ITGB4: variants seen among roughly 807,000 people sequenced by gnomAD.
ITGB4 encodes the protein integrin subunit beta 4, also known as integrin beta-4.
Under a neutral mutation model 207.6 loss-of-function variants are expected in ITGB4, and 159 were observed. The ratio of observed to expected loss-of-function variants is 0.77; its 90% CI spans 0.67 to 0.87. The LOEUF is 0.87. Among genes scored for constraint, ITGB4 ranks in the 40% least tolerant of loss-of-function variants. ITGB4 has a pLI of 0.00. For missense variants in ITGB4, 2,278 were observed against 2,546.8 expected, an observed-to-expected ratio of 0.89 and a Z score of 2.27; for synonymous variants, 1,020 against 1,062.7, an observed-to-expected ratio of 0.96 and a Z score of 0.78.
chr17:75,748,783 C>T, intron 26 of ITGB4, 58 bp from the exon 27 acceptor site: 1 of 1,358,126 alleles, frequency 7.4e-7, no homozygotes, highest in South Asian at 1.2e-5. Context: ...AGCGTGTGGC[C>T]ATGACTCTTG....
intron 23 of ITGB4, 93 bp downstream of exon 23, chr17:75,741,098 A>C: frequency 1.1e-5 from 15 of 1,398,602 alleles, no homozygotes; most frequent in African/African-American, 1.4e-5. Context: ...CTCCATCTCC[A>C]TCCCATAGGA....
chr17:75,724,716 C>A lies in ITGB4; in HGVS notation c.13C>A (p.Arg5Ser), dbSNP rs141077392. 1 of 1,613,270 alleles carries A rather than the reference C, an allele frequency of 6.2e-7. No homozygotes were observed. Among genetic ancestry groups the A allele is most frequent in the Non-Finnish European group, 8.5e-7 (1 of 1,179,548 alleles). MAGP[R>S]PSPWARLLLA... ...CAGGAGGAAGAGGATGGCAGGGCCA[C>A]GCCCCAGCCCATGGGCCAGGCTGCT... Residue 5 changes from arginine (R) to serine (S), a missense_variant, in exon 2 of 40, where the codon CGC (arginine) becomes AGC (serine). Physicochemically the swap from Arg to Ser is moderately radical, Grantham distance 110. Transcript: ENST00000200181.
rs757186781 is a variant in ITGB4, at chr17:75,733,518, G to C, written c.1483G>C (p.Gly495Arg). ...TGGCCAGACCTGCAACTGCTCCACC[G>C]GCTCTCTGAGTGACATTCAGCCCTG... Reference protein sequence around the residue: ...WSGQTCNCSTGSLSDIQPCLR... With the variant: ...WSGQTCNCSTRSLSDIQPCLR... The change falls in exon 13 of 40, where the codon GGC (glycine) becomes CGC (arginine). Residue 495 changes from glycine to arginine, a missense_variant. Coordinates refer to ENST00000200181, the MANE Select transcript of ITGB4 (RefSeq NM_000213.5). The C allele has an allele frequency of 6.2e-7, 1 of 1,613,404 alleles. No individual in the cohort carries two copies. The highest frequency in any genetic ancestry group is 1.3e-5 in the African/African-American group (1 of 74,920).
Position 75,740,148 on chromosome 17 carries a change from G to A in ITGB4, c.2446+77G>A. 6.8e-7 allele frequency: 1 copy of A among 1,464,116 alleles called. No homozygotes were observed. Among genetic ancestry groups the A allele is most frequent in the Non-Finnish European group, 9.3e-7 (1 of 1,080,136 alleles). 90.7% of individuals were successfully genotyped at this position (1,464,116 alleles called of 1,614,324 possible). A position where few individuals can be genotyped will look rare whatever the true frequency, so the allele number is the denominator to read the frequency against. On this transcript the variant is annotated intron_variant, in intron 20 of 39. Coordinates refer to ENST00000200181, the MANE Select transcript of ITGB4 (RefSeq NM_000213.5). This position sits in a 1 kb window ranked among gnomAD's most constrained non-coding sequence, Gnocchi z 5.9. The stretch of plus-strand genomic sequence containing the variant: ...TGTTCCAGATCTGGGATCACAGCAT[G>A]CCTCTTCTCTGGGTGTGGGGTGCAG...
chr17:75,737,473 G>A lies in ITGB4; in HGVS notation c.2113+29G>A, dbSNP rs750407534. 5.8e-6 allele frequency: 9 copies of A among 1,553,122 alleles called. No individual in the cohort carries two copies. The Admixed American group carries it at 5.9e-5, about 10-fold the overall frequency. The stretch of plus-strand genomic sequence containing the variant: ...AGCTGGTGGGGCCGGGCGCAGGGAG[G>A]GGGCGTGTGGCCAGAGCTCGGTGGG... On this transcript the variant is annotated intron_variant, in intron 17 of 39. Transcript: ENST00000200181.
In ITGB4 at chr17:75,742,785, G is replaced by A; in HGVS notation, c.2962+24G>A. On this transcript the variant is annotated intron_variant, in intron 25 of 39. Coordinates refer to ENST00000200181, the MANE Select transcript of ITGB4 (RefSeq NM_000213.5). The surrounding 1 kb of genome is among the most constrained non-coding windows in gnomAD (Gnocchi z 5.9). ...AGGTGGGTCTGGGTGGGGAGAGTGGGGAAGGCAGACGGGGGCTCGGGGGCA... is the reference window on the plus strand; with the variant it reads ...AGGTGGGTCTGGGTGGGGAGAGTGGAGAAGGCAGACGGGGGCTCGGGGGCA... 6.3e-7 allele frequency: 1 copy of A among 1,597,700 alleles called. No homozygotes were observed.
rs757814859 is a variant in ITGB4, at chr17:75,740,531, C to T, written c.2550+70C>T. 27 of 1,285,396 alleles carry T rather than the reference C, an allele frequency of 2.1e-5. No individual in the cohort carries two copies. Among genetic ancestry groups the T allele is most frequent in the Admixed American group, 3.5e-5 (2 of 57,224 alleles). The allele number at this position is 1,285,396 out of a possible 1,614,324, so 79.6% of individuals were successfully genotyped here. ...GGCGGGTGAGGTGGGCAGGGCAGAG[C>T]GAATGCGGTCGTGGTACCGAGATTC... On this transcript the variant is annotated intron_variant, in intron 21 of 39. Coordinates refer to ENST00000200181, the MANE Select transcript of ITGB4 (RefSeq NM_000213.5). This position sits in a 1 kb window ranked among gnomAD's most constrained non-coding sequence, Gnocchi z 5.9.
Position 75,754,759 on chromosome 17 carries a change from C to A in ITGB4, c.4502C>A (p.Ser1501Ter). 1 of 1,612,628 alleles carries A rather than the reference C, an allele frequency of 6.2e-7. No individual in the cohort carries two copies. The highest frequency in any genetic ancestry group is 1.1e-5 in the South Asian group (1 of 90,952). The change falls in exon 34 of 40, where the codon TCA becomes TAA. Residue 1501 changes from serine to a stop codon, truncating the protein, a stop_gained. Transcript: ENST00000200181. LOFTEE classifies it high-confidence loss of function. Reference sequence around the variant, plus strand: ...AACTCACTGACCCGCTCAGAACACTCACACTCGACCACACTGCCCAGGGAC... The same window carrying A: ...AACTCACTGACCCGCTCAGAACACTAACACTCGACCACACTGCCCAGGGAC... ...DYNSLTRSEH[S>*]HSTTLPRDYS...
intron 26 of ITGB4, among the ~76,000 whole-genome samples, chr17:75,745,117 G>A (rs1391897563): frequency 6.6e-6 from 1 of 152,108 alleles, no homozygotes; most frequent in African/African-American, 2.4e-5. Context: ...CAAAGGCGGG[G>A]CATGGTGGCT....
chr17:75,750,261 G>A lies in ITGB4; in HGVS notation c.3467G>A (p.Gly1156Glu), dbSNP rs745305920. ...NWLPPSGKPM[G>E]YRVKYWIQGD... ...CTGCCCCCTTCTGGCAAGCCAATGG[G>A]GTACAGGGTAAGGCGGGGGGCTGAG... is the stretch of plus-strand genomic sequence containing the variant. Residue 1156 changes from glycine (G) to glutamate (E), a missense_variant, in exon 28 of 40, where the codon GGG (glycine) becomes GAG (glutamate). Coordinates refer to ENST00000200181, the MANE Select transcript of ITGB4 (RefSeq NM_000213.5). This position sits in a 1 kb window ranked among gnomAD's most constrained non-coding sequence, Gnocchi z 5.5. 2.0e-5 allele frequency: 33 copies of A among 1,612,558 alleles called. No homozygotes were observed. The South Asian group carries it at 2.1e-4, about 10-fold the overall frequency.
rs770892854 is a variant in ITGB4, at chr17:75,756,768, A to G, written c.4962A>G (p.Pro1654=). 1 of 1,612,954 alleles carries G rather than the reference A, an allele frequency of 6.2e-7. No homozygotes were observed. The highest frequency in any genetic ancestry group is 8.5e-7 in the Non-Finnish European group (1 of 1,180,016). Residue 1654 remains proline (P), a synonymous_variant, in exon 37 of 40, where the codon CCA becomes CCG. Transcript: ENST00000200181. ...PGPLVFTALS[P]DSLQLSWERP... is the part of the protein sequence containing the mutation. ...CGCTGGTGTTCACTGCCCTGAGCCCAGACTCGCTGCAGCTGAGCTGGGAGC... is the reference window on the plus strand; with the variant it reads ...CGCTGGTGTTCACTGCCCTGAGCCCGGACTCGCTGCAGCTGAGCTGGGAGC...
chr17:75,756,604 G>C lies in ITGB4; in HGVS notation c.4884G>C (p.Leu1628=), dbSNP rs768420296. The change falls in exon 36 of 40, where the codon CTG becomes CTC. Residue 1628 remains leucine (L), a synonymous_variant. Coordinates refer to ENST00000200181, the MANE Select transcript of ITGB4 (RefSeq NM_000213.5). Reference sequence around the variant, plus strand: ...CCCAGGTGCACCCGCAGAGCCCACTGTGTCCCCTGCCAGGTGAGTTGCCTC... The same window carrying C: ...CCCAGGTGCACCCGCAGAGCCCACTCTGTCCCCTGCCAGGTGAGTTGCCTC... ...IESQVHPQSP[L]CPLPGSAFTL... is the part of the protein sequence containing the mutation. 1 of 1,612,790 alleles carries C rather than the reference G, an allele frequency of 6.2e-7. No individual in the cohort carries two copies. The highest frequency in any genetic ancestry group is 8.5e-7 in the Non-Finnish European group (1 of 1,179,942).
rs867064576 is a variant in ITGB4 at position 75,736,605 on chromosome 17, A to G, written c.1901A>G (p.Gln634Arg). Residue 634 changes from glutamine (Q) to arginine (R), a missense_variant, in exon 16 of 40, where the codon CAG becomes CGG. Gln to Arg is a conservative substitution (Grantham distance 43). Coordinates refer to ENST00000200181, the MANE Select transcript of ITGB4 (RefSeq NM_000213.5). ...TGCGAGGACCTACGCTCCTGCGTGCAGTGCCAGGCGTGGGGCACCGGCGAG... is the reference window on the plus strand; with the variant it reads ...TGCGAGGACCTACGCTCCTGCGTGCGGTGCCAGGCGTGGGGCACCGGCGAG... ...GLCEDLRSCV[Q>R]CQAWGTGEKK... The G allele has an allele frequency of 1.9e-6, 3 of 1,603,550 alleles. No homozygotes were observed. Among genetic ancestry groups the G allele is most frequent in the Admixed American group, 3.5e-5 (2 of 57,682 alleles).
chr17:75,722,630 G>A lies in ITGB4; in HGVS notation c.-11+1018G>A, dbSNP rs2060636433. On this transcript the variant is annotated intron_variant, in intron 1 of 39. Transcript: ENST00000200181. The surrounding 1 kb of genome is among the most constrained non-coding windows in gnomAD (Gnocchi z 6.2). ...CTCTCTGGGGCGAGGAAGGGCCTGG[G>A]TCCCTGAGGGGAGGAGATGTGACAG... Among the ~76,000 whole-genome samples, 1 of 152,166 alleles carries A rather than the reference G, an allele frequency of 6.6e-6. No individual in the cohort carries two copies. Among genetic ancestry groups the A allele is most frequent in the Admixed American group, 6.5e-5 (1 of 15,272 alleles).
Position 75,755,683 on chromosome 17 carries a change from G to A in ITGB4, c.4559-18G>A, listed in dbSNP as rs1362755741. 1 of 1,612,524 alleles carries A rather than the reference G, an allele frequency of 6.2e-7. No homozygotes were observed. The highest frequency in any genetic ancestry group is 1.1e-5 in the South Asian group (1 of 91,080). ...CTAGCCCCTGCATCTCTGGCTGACT[G>A]CGGCCTCCTGTCCCCAGACTCTCGC... On this transcript the variant is annotated intron_variant, in intron 34 of 39. Transcript: ENST00000200181.
At chr17:75,755,026 C>A in intron 34 of ITGB4, 1 of 1,586,398 alleles carries the variant, frequency 6.3e-7, no homozygotes, top group Non-Finnish European at 8.6e-7. Flanking sequence ...ACTCCCTGCT[C>A]CTCTCACTCT....
At chr17:75,724,627 G>T in intron 1 of ITGB4, 67 bp from the exon 2 acceptor site, 1 of 1,179,038 alleles carries the variant, frequency 8.5e-7, no homozygotes, top group South Asian at 1.2e-5. Flanking sequence ...GCTGTGCAGC[G>T]AGAGGAAGCT....
intron 27 of ITGB4, among the ~76,000 whole-genome samples, chr17:75,749,534 A>G (rs2061317820): frequency 6.6e-6 from 1 of 152,206 alleles, no homozygotes; most frequent in Non-Finnish European, 1.5e-5. Flanking sequence ...CCCCCAAGAA[A>G]AAATAATCTT....
chr17:75,749,252 G>T (rs1341258303), intron 27 of ITGB4, among the ~76,000 whole-genome samples: 2 of 152,188 alleles, frequency 1.3e-5, no homozygotes, highest in Non-Finnish European at 2.9e-5. Context: ...AATGGGCTGG[G>T]TATACTGGCT....
Sources: gnomAD v4.1 joint callset for allele counts (sites outside exome capture counted in the v4.1 genomes callset) on GRCh38, gnomAD v4.1.1 for gene constraint, Gnocchi (gnomAD v3.1) non-coding constraint, MANE v1.5 for transcripts, NCBI Gene and HGNC (gene_info 2026-07-23, HGNC 2026-07-21) for gene names.